Variants in EOGT observed in about 807,000 individuals in gnomAD.
The protein encoded by EOGT is EGF domain-specific O-linked N-acetylglucosamine transferase.
In EOGT, 55 loss-of-function variants were observed where a neutral mutation model predicts 70.5. The ratio of observed to expected loss-of-function variants is 0.78; its 90% CI spans 0.63 to 0.98. The LOEUF (loss-of-function observed/expected upper bound fraction) is 0.98. Among genes scored for constraint, EOGT ranks in the 50% least tolerant of loss-of-function variants. The probability of loss-of-function intolerance (pLI) is 0.00; values close to 1 mark genes in which losing one functional copy is unlikely to be tolerated. For synonymous variants in EOGT, 246 were observed against 217.1 expected, an observed-to-expected ratio of 1.13 and a Z score of -1.17; for missense variants, 703 against 641.9, an observed-to-expected ratio of 1.10 and a Z score of -1.03.
intron 8 of EOGT, among the ~76,000 whole-genome samples, chr3:69,003,728 G>A (rs1249950107): frequency 6.6e-6 from 1 of 152,180 alleles, no homozygotes; most frequent in South Asian, 2.1e-4. Context: ...CCTTTGGAGA[G>A]GGGGATGGGG....
At chr3:68,991,263 T>C (rs549102820) in intron 10 of EOGT, among the ~76,000 whole-genome samples, 4 of 152,328 alleles carry the variant, frequency 2.6e-5, no homozygotes, top group Admixed American at 6.5e-5. Context: ...AATATTTGGA[T>C]AGTCTTCAAG....
chr3:68,990,528 T>A (rs2090962469), intron 10 of EOGT, among the ~76,000 whole-genome samples: 1 of 151,936 alleles, frequency 6.6e-6, no homozygotes, highest in Admixed American at 6.6e-5. Context: ...AATTTTTGTA[T>A]CTTTTGATAG....
At chr3:68,998,224 ATGGGG>A in intron 9 of EOGT, 110 bp from the exon 10 acceptor site, 3 of 652,232 alleles carry the variant, frequency 4.6e-6, no homozygotes, top group Non-Finnish European at 5.3e-6. Context: ...GTTTAAATAA[ATGGGG>A]AAAAAAATAA....
intron 11 of EOGT, 66 bp downstream of exon 11, chr3:68,988,859 T>G: frequency 1.2e-6 from 1 of 848,826 alleles, no homozygotes. Context: ...AATAAATGTT[T>G]ATTTTATGAG....
In EOGT at chr3:68,997,918, ATG is replaced by A. The variant is rs1259389685; in HGVS notation, c.831+91_831+92del. 25 of 735,192 alleles carry A rather than the reference ATG, an allele frequency of 3.4e-5. No homozygotes were observed. In the East Asian group the frequency reaches 5.8e-4, roughly 17 times the overall value. 45.5% of individuals were successfully genotyped at this position (735,192 alleles called of 1,614,324 possible). ...TGTGCGGCTGTACATGTTGAAATAT[ATG>A]TGTCTTTGAAAATTCTGTTTCACAA... On this transcript the variant is annotated intron_variant, in intron 10 of 17. Transcript: ENST00000383701.
rs1262936997 is a variant in EOGT, at chr3:69,007,512, G to GGGGGC, written c.420+200_420+201insGCCCC. 3.3e-5 allele frequency among the ~76,000 whole-genome samples: 2 copies of GGGGGC among 60,326 alleles called. 1 individual carries two copies. The highest frequency in any genetic ancestry group is 1.0e-4 in the African/African-American group (2 of 19,914). The allele number at this position is 60,326 out of a possible 152,430, so 39.6% of individuals were successfully genotyped here. ...ACTAAAAATATAAAAATTAGCGGGG[G>GGGGGC]GGGGTGGCACGCGCCTGTAATCCAA... On this transcript the variant is annotated intron_variant, in intron 6 of 17. Coordinates refer to ENST00000383701, the MANE Select transcript of EOGT (RefSeq NM_001278689.2).
chr3:69,002,048 G>T (rs1019772677), intron 8 of EOGT, among the ~76,000 whole-genome samples: 1 of 152,122 alleles, frequency 6.6e-6, no homozygotes, highest in African/African-American at 2.4e-5. Context: ...AAATTAGCTG[G>T]GCGTAGTGGC....
chr3:69,005,704 T>C (rs758452148), intron 6 of EOGT, among the ~76,000 whole-genome samples: 1 of 152,170 alleles, frequency 6.6e-6, no homozygotes. Context: ...CCGTAAAGCT[T>C]GTGGGAGCCT....
rs1047588644 is a variant in EOGT at position 68,976,952 on chromosome 3, G to C, written c.*666C>G. 1 of 152,692 alleles carries C rather than the reference G, an allele frequency of 6.5e-6. No homozygotes were observed. Among genetic ancestry groups the C allele is most frequent in the African/African-American group, 2.4e-5 (1 of 41,410 alleles). The allele number at this position is 152,692 out of a possible 1,614,324, so 9.5% of individuals were successfully genotyped here. A position where few individuals can be genotyped will look rare whatever the true frequency, so the allele number is the denominator to read the frequency against. ...AAGGTGGGAGGATTTCTTGAACCCAGAGTTCGAGACCAGCCTGGCCAACAT... is the reference window on the plus strand; with the variant it reads ...AAGGTGGGAGGATTTCTTGAACCCACAGTTCGAGACCAGCCTGGCCAACAT... On this transcript the variant is annotated 3_prime_UTR_variant, in exon 18 of 18. Coordinates refer to ENST00000383701, the MANE Select transcript of EOGT (RefSeq NM_001278689.2).
rs1575699171 is a variant in EOGT at position 68,977,694 on chromosome 3, T to C, written c.1508A>G (p.Tyr503Cys). 2.5e-6 allele frequency: 4 copies of C among 1,614,036 alleles called. No individual in the cohort carries two copies. The highest frequency in any genetic ancestry group is 3.4e-6 in the Non-Finnish European group (4 of 1,179,980). ...GTGGTCTGCAGCCTGAAGGACAAGA[T>C]ACATAAATTCTTCTACATCGAAAGA... ...NYSFDVEEFMYLVLQAADHVL... is the reference protein window; with the variant it reads ...NYSFDVEEFMCLVLQAADHVL... Residue 503 changes from tyrosine to cysteine, a missense_variant, in exon 18 of 18, where the codon TAT becomes TGT. Transcript: ENST00000383701.
chr3:68,997,870 T>C (rs1035221361), intron 10 of EOGT, 141 bp downstream of exon 10: 3 of 579,336 alleles, frequency 5.2e-6, no homozygotes, highest in Middle Eastern at 2.6e-4. Context: ...TATGTACAGA[T>C]ACATTCGCAC....
intron 7 of EOGT, 58 bp from the exon 8 acceptor site, chr3:69,004,540 G>A (rs1040971186): frequency 9.3e-6 from 11 of 1,178,980 alleles, no homozygotes; most frequent in East Asian, 2.3e-5. Context: ...ACCCAAGCAC[G>A]TGGGTTGTAA....
At chr3:68,984,809 G>A (rs1397571481) in intron 14 of EOGT, among the ~76,000 whole-genome samples, 1 of 152,160 alleles carries the variant, frequency 6.6e-6, no homozygotes, top group Non-Finnish European at 1.5e-5. Flanking sequence ...CTTCTCTGCA[G>A]TGGCCTGATG....
intron 9 of EOGT, among the ~76,000 whole-genome samples, chr3:69,001,183 C>T (rs1219610932): frequency 6.6e-6 from 1 of 152,060 alleles, no homozygotes; most frequent in Non-Finnish European, 1.5e-5. Context: ...TGGTCTCGAT[C>T]TCCTGACCTC....
chr3:68,980,088 CTG>C (rs1403670756), intron 15 of EOGT, among the ~76,000 whole-genome samples: 1 of 152,120 alleles, frequency 6.6e-6, no homozygotes, highest in Non-Finnish European at 1.5e-5. Context: ...ATCAACAAAA[CTG>C]TAAAAATTGA....
intron 10 of EOGT, among the ~76,000 whole-genome samples, chr3:68,993,861 T>C (rs7433849): frequency 0.44 from 66,513 of 151,958 alleles, 15,442 homozygotes; most frequent in Non-Finnish European, 0.53. Context: ...AAACCCTAGA[T>C]AAACCCATCA....
intron 15 of EOGT, among the ~76,000 whole-genome samples, chr3:68,981,894 T>C (rs2090654166): frequency 6.6e-6 from 1 of 151,920 alleles, no homozygotes; most frequent in Non-Finnish European, 1.5e-5. Context: ...AACACCTAAA[T>C]TTTGAACTAG....
intron 16 of EOGT, 137 bp from the exon 17 acceptor site, chr3:68,978,572 C>G (rs371173112): frequency 1.7e-6 from 1 of 582,388 alleles, no homozygotes; most frequent in African/African-American, 1.9e-5. Flanking sequence ...AGACAGTAAA[C>G]AAGACTGAGG....
chr3:69,007,651 C>T, intron 6 of EOGT, 62 bp downstream of exon 6: 1 of 1,191,846 alleles, frequency 8.4e-7, no homozygotes, highest in South Asian at 1.4e-5. Flanking sequence ...AACTCCGTCT[C>T]AAAAATAAAT....
Sources: allele counts gnomAD v4.1 joint callset (sites outside exome capture counted in the v4.1 genomes callset), GRCh38; gene constraint gnomAD v4.1.1; transcripts MANE v1.5; gene names NCBI Gene and HGNC (gene_info 2026-07-23, HGNC 2026-07-21).